The following ZNF90 variants were observed in gnomAD, a reference collection of about 807,000 sequenced individuals.
The protein encoded by ZNF90 is zinc finger protein HTF9.
ZNF90 carries 11 observed loss-of-function variants against 12.0 expected under a neutral mutation model. The ratio of observed to expected loss-of-function variants is 0.92; its 90% CI spans 0.58 to 1.52. ZNF90 has a LOEUF of 1.52. ZNF90 is among the 40% of genes most tolerant of loss of function. ZNF90 has a pLI of 0.00. For missense variants in ZNF90, 765 were observed against 711.5 expected (o/e 1.08, Z -0.86); for synonymous variants, 232 against 240.1 (o/e 0.97, Z 0.31).
chr19:20,098,131 C>A (rs1555703431), intron 1 of ZNF90, among the ~76,000 whole-genome samples: 1 of 152,062 alleles, frequency 6.6e-6, no homozygotes, highest in African/African-American at 2.4e-5. Context: ...GTAGACTTAT[C>A]ATTTAGAATG....
intron 1 of ZNF90, among the ~76,000 whole-genome samples, chr19:20,092,870 G>A (rs2088913432): frequency 6.6e-6 from 1 of 152,178 alleles, no homozygotes; most frequent in Non-Finnish European, 1.5e-5. Flanking sequence ...TTCAAAGGAG[G>A]GGCTACAAAG....
rs1555705921 is a variant in ZNF90, at chr19:20,118,125, C to G, written c.571C>G (p.His191Asp). ...CAACCAGTCCTCAACCCTTGCTACACATAAGAAAATTCATACTGGAGAGAT... is the reference window on the plus strand; with the variant it reads ...CAACCAGTCCTCAACCCTTGCTACAGATAAGAAAATTCATACTGGAGAGAT... ...AFNQSSTLAT[H>D]KKIHTGEITC... The change falls in exon 4 of 4, where the codon CAT (histidine) becomes GAT (aspartate). Residue 191 changes from histidine (H) to aspartate (D), a missense_variant. His to Asp is a moderately conservative substitution (Grantham distance 81). Coordinates refer to ENST00000418063, the MANE Select transcript of ZNF90 (RefSeq NM_007138.2). 1 of 1,610,536 alleles carries G rather than the reference C, an allele frequency of 6.2e-7. No individual in the cohort carries two copies. The highest frequency in any genetic ancestry group is 8.5e-7 in the Non-Finnish European group (1 of 1,178,094).
chr19:20,111,391 C>T (rs1462493680), intron 3 of ZNF90, among the ~76,000 whole-genome samples: 4 of 152,142 alleles, frequency 2.6e-5, no homozygotes, highest in Non-Finnish European at 5.9e-5. Context: ...GCTAGCTTTT[C>T]TGTATTTTTT....
chr19:20,092,767 G>A (rs1404476626), intron 1 of ZNF90, among the ~76,000 whole-genome samples: 4 of 152,158 alleles, frequency 2.6e-5, no homozygotes, highest in Admixed American at 2.6e-4. Flanking sequence ...GGTAGGTAAC[G>A]GATGGAGAAG....
intron 1 of ZNF90, among the ~76,000 whole-genome samples, chr19:20,101,516 A>G (rs1273969184): frequency 2.6e-5 from 4 of 152,258 alleles, no homozygotes; most frequent in African/African-American, 9.6e-5. Flanking sequence ...AGGATGGGAA[A>G]GGAGAAACTT....
chr19:20,095,351 A>T (rs1396237555), intron 1 of ZNF90, among the ~76,000 whole-genome samples: 1 of 152,116 alleles, frequency 6.6e-6, no homozygotes, highest in African/African-American at 2.4e-5. Context: ...TATTGGGGCC[A>T]AGCAGTGTTG....
At chr19:20,108,492 T>C (rs2089058616) in intron 3 of ZNF90, among the ~76,000 whole-genome samples, 1 of 152,030 alleles carries the variant, frequency 6.6e-6, no homozygotes, top group Non-Finnish European at 1.5e-5. Context: ...GTATTTTTAG[T>C]AGAGATGAGG....
intron 1 of ZNF90, chr19:20,080,359 C>T: frequency 2.2e-6 from 1 of 460,592 alleles, no homozygotes; most frequent in Non-Finnish European, 4.3e-6. Context: ...ATTCCCCCGT[C>T]CAGCCTCAGG....
intron 1 of ZNF90, 124 bp from the exon 2 acceptor site, chr19:20,104,115 A>T (rs1391272883): frequency 1.4e-6 from 2 of 1,399,562 alleles, no homozygotes; most frequent in East Asian, 4.7e-5. Flanking sequence ...TTATTGGATA[A>T]TTTAGTGAGT....
intron 3 of ZNF90, among the ~76,000 whole-genome samples, chr19:20,106,252 CTGTT>C (rs2089036877): frequency 1.3e-5 from 2 of 151,708 alleles, no homozygotes; most frequent in African/African-American, 2.4e-5. Context: ...AGTTTTTACT[CTGTT>C]TATGATTTTT....
intron 1 of ZNF90, among the ~76,000 whole-genome samples, chr19:20,096,775 C>T (rs1599645358): frequency 6.6e-6 from 1 of 152,134 alleles, no homozygotes; most frequent in Non-Finnish European, 1.5e-5. Context: ...GGCTCAGAGG[C>T]CTGACACTAG....
chr19:20,080,660 G>C (rs2088813653), intron 1 of ZNF90: 1 of 169,172 alleles, frequency 5.9e-6, no homozygotes, highest in Non-Finnish European at 1.3e-5. Flanking sequence ...GTTTTCCTGA[G>C]TTCTGTGAAT....
At position 20,118,108 on chromosome 19, in the gene ZNF90, C is replaced by A. The variant is rs782754971; in HGVS notation, c.554C>A (p.Ser185Tyr). The A allele has an allele frequency of 4.3e-6, 7 of 1,613,494 alleles. No individual in the cohort carries two copies. The East Asian group carries it at 1.6e-4, about 36-fold the overall frequency. ...CIECGKAFNQ[S>Y]STLATHKKIH... ...GAATGTGGCAAAGCTTTCAACCAGT[C>A]CTCAACCCTTGCTACACATAAGAAA... Residue 185 changes from serine (S) to tyrosine (Y), a missense_variant, in exon 4 of 4, where the codon TCC (serine) becomes TAC (tyrosine). Coordinates refer to ENST00000418063, the MANE Select transcript of ZNF90 (RefSeq NM_007138.2).
chr19:20,083,724 G>T (rs926837172), intron 1 of ZNF90, among the ~76,000 whole-genome samples: 2 of 152,176 alleles, frequency 1.3e-5, no homozygotes, highest in African/African-American at 4.8e-5. Context: ...TATTCATGAT[G>T]TTTATGTATC....
intron 1 of ZNF90, among the ~76,000 whole-genome samples, chr19:20,092,640 C>A (rs868961808): frequency 7.2e-5 from 11 of 152,198 alleles, no homozygotes; most frequent in Middle Eastern, 3.4e-3. Flanking sequence ...TGAAAGTATC[C>A]AACCATGCCG....
chr19:20,078,004 T>C lies in ZNF90; in HGVS notation c.-129T>C, dbSNP rs1208828557. On this transcript the variant is annotated 5_prime_UTR_variant, in exon 1 of 4. Transcript: ENST00000418063. The stretch of plus-strand genomic sequence containing the variant: ...GGCTTTCGGGTTTGGCGCGGCCATT[T>C]GTCTCTTGCTGCAGCTGGTGCTCCA... 2 of 1,249,732 alleles carry C rather than the reference T, an allele frequency of 1.6e-6. No individual in the cohort carries two copies. Among genetic ancestry groups the C allele is most frequent in the Non-Finnish European group, 2.3e-6 (2 of 852,166 alleles). 77.4% of individuals were successfully genotyped at this position (1,249,732 alleles called of 1,614,324 possible). A position where few individuals can be genotyped will look rare whatever the true frequency, so the allele number is the denominator to read the frequency against.
At chr19:20,108,429 C>T (rs186595024) in intron 3 of ZNF90, among the ~76,000 whole-genome samples, 47 of 152,294 alleles carry the variant, frequency 3.1e-4, no homozygotes, top group African/African-American at 1.1e-3. Context: ...TGTGCCTCAG[C>T]CTCCCAAATA....
chr19:20,097,770 T>C (rs185957783), intron 1 of ZNF90, among the ~76,000 whole-genome samples: 1 of 152,356 alleles, frequency 6.6e-6, no homozygotes. Context: ...CTTTGAACTA[T>C]GTATTCAAAT....
chr19:20,117,013 TTG>T (rs371655051), intron 3 of ZNF90, among the ~76,000 whole-genome samples: 4,713 of 128,446 alleles, frequency 0.037, 105 homozygotes, highest in Middle Eastern at 0.052. Context: ...CAACTTACAT[TTG>T]TGTGTGTGTG....
Sources: allele counts gnomAD v4.1 joint callset (sites outside exome capture counted in the v4.1 genomes callset), GRCh38; gene constraint gnomAD v4.1.1; transcripts MANE v1.5; gene names NCBI Gene and HGNC (gene_info 2026-07-23, HGNC 2026-07-21).